Variants in PTPRO observed in about 807,000 individuals in gnomAD.
PTPRO encodes the protein receptor-type tyrosine-protein phosphatase O.
In PTPRO, 62 loss-of-function variants were observed where a neutral mutation model predicts 145.2. The ratio of observed to expected loss-of-function variants is 0.43; its 90% CI spans 0.35 to 0.53. The LOEUF is 0.53. Among genes scored for constraint, PTPRO ranks in the 20% least tolerant of loss-of-function variants. PTPRO has a pLI of 0.01. For missense variants in PTPRO, 1,345 were observed against 1,482.7 expected, an observed-to-expected ratio of 0.91 and a Z score of 1.53; for synonymous variants, 565 against 514.7, an observed-to-expected ratio of 1.10 and a Z score of -1.32.
At chr12:15,540,500 C>T (rs565050700) in intron 12 of PTPRO, among the ~76,000 whole-genome samples, 5 of 152,302 alleles carry the variant, frequency 3.3e-5, no homozygotes, top group East Asian at 3.9e-4. Flanking sequence ...TGACTCACCA[C>T]GCTGGTCCTT....
At chr12:15,478,264 G>A (rs776096732) in intron 1 of PTPRO, among the ~76,000 whole-genome samples, 1 of 152,192 alleles carries the variant, frequency 6.6e-6, no homozygotes, top group African/African-American at 2.4e-5. Context: ...TAAGGGAAAA[G>A]AGATCAAGCA....
intron 1 of PTPRO, among the ~76,000 whole-genome samples, chr12:15,398,088 T>C (rs1003361290): frequency 2.0e-5 from 3 of 152,126 alleles, no homozygotes; most frequent in Non-Finnish European, 2.9e-5. Context: ...CCATCTTTAA[T>C]GTGAAGATAA....
intron 23 of PTPRO, among the ~76,000 whole-genome samples, chr12:15,585,801 G>A (rs80043858): frequency 0.033 from 5,076 of 152,228 alleles, 131 homozygotes; most frequent in Non-Finnish European, 0.045. Flanking sequence ...ATTTCTGATG[G>A]CTGATAACAA....
intron 1 of PTPRO, among the ~76,000 whole-genome samples, chr12:15,345,606 C>T (rs754412152): frequency 5.3e-5 from 8 of 151,602 alleles, no homozygotes; most frequent in Non-Finnish European, 7.4e-5. Flanking sequence ...CGGGGCCTGT[C>T]GGGGGGTGGG....
chr12:15,557,596 T>C, intron 16 of PTPRO, 73 bp downstream of exon 16: 2 of 1,348,116 alleles, frequency 1.5e-6, no homozygotes, highest in East Asian at 2.3e-5. Flanking sequence ...GATTTTACTA[T>C]CCTTTGGGGA....
At chr12:15,537,889 A>G (rs1375136313) in intron 12 of PTPRO, among the ~76,000 whole-genome samples, 4 of 152,276 alleles carry the variant, frequency 2.6e-5, no homozygotes, top group South Asian at 2.1e-4. Context: ...AACAGACAGT[A>G]TGGGCATTAA....
chr12:15,325,639 G>A (rs866353049), intron 1 of PTPRO, among the ~76,000 whole-genome samples: 20 of 152,152 alleles, frequency 1.3e-4, no homozygotes, highest in African/African-American at 4.8e-4. Context: ...GTATTTATCT[G>A]GCGAGCCTCG....
chr12:15,385,895 T>TA (rs1251464484), intron 1 of PTPRO, among the ~76,000 whole-genome samples: 1 of 149,924 alleles, frequency 6.7e-6, no homozygotes, highest in Non-Finnish European at 1.5e-5. Flanking sequence ...AAAAAAGAGA[T>TA]ATAGAGATAA....
At chr12:15,509,678 C>T (rs970617516) in intron 7 of PTPRO, among the ~76,000 whole-genome samples, 4 of 134,706 alleles carry the variant, frequency 3.0e-5, no homozygotes, top group African/African-American at 1.1e-4. Flanking sequence ...CAGAGTGAGA[C>T]TCCGTCTCAA....
At position 15,496,204 on chromosome 12, in the gene PTPRO, G is replaced by A. The variant is rs540730068; in HGVS notation, c.350-1041G>A. Reference sequence around the variant, plus strand: ...GTTGCCCAGGCTGGGGTGCAATGGCGGGATCTCTGCTCTTGGCAACCTCTG... The same window carrying A: ...GTTGCCCAGGCTGGGGTGCAATGGCAGGATCTCTGCTCTTGGCAACCTCTG... On this transcript the variant is annotated intron_variant, in intron 2 of 26. Transcript: ENST00000281171. Among the ~76,000 whole-genome samples, 5 of 147,810 alleles carry A rather than the reference G, an allele frequency of 3.4e-5. No individual in the cohort carries two copies. The South Asian group carries it at 6.5e-4, about 19-fold the overall frequency.
At chr12:15,327,046 TCTGA>T (rs375174400) in intron 1 of PTPRO, among the ~76,000 whole-genome samples, 39 of 152,342 alleles carry the variant, frequency 2.6e-4, no homozygotes, top group Non-Finnish European at 2.4e-4. Context: ...ATATAAAAGC[TCTGA>T]CTGAGAATTA....
chr12:15,595,080 C>T (rs765898011), intron 26 of PTPRO, 23 bp downstream of exon 26: 14 of 1,491,690 alleles, frequency 9.4e-6, no homozygotes, highest in South Asian at 7.9e-5. Context: ...GAGCTCTCCA[C>T]GAGTGCTCAG....
At chr12:15,340,952 T>A (rs1358245617) in intron 1 of PTPRO, among the ~76,000 whole-genome samples, 3 of 152,226 alleles carry the variant, frequency 2.0e-5, no homozygotes, top group African/African-American at 4.8e-5. Flanking sequence ...TTTAATACTC[T>A]TATCTGACAA....
chr12:15,484,064 T>G lies in PTPRO; in HGVS notation c.166T>G (p.Tyr56Asp). ...ASDVISPASVYVVKITGESKN... is the reference protein window; with the variant it reads ...ASDVISPASVDVVKITGESKN... ...AGACGTCATCAGTCCAGCATCTGTGTATGTTGTGAAGATAACTGGTGAATC... is the reference window on the plus strand; with the variant it reads ...AGACGTCATCAGTCCAGCATCTGTGGATGTTGTGAAGATAACTGGTGAATC... Residue 56 changes from tyrosine (Y) to aspartate (D), a missense_variant, in exon 2 of 27, where the codon TAT (tyrosine) becomes GAT (aspartate). By Grantham distance (160) the Tyr-to-Asp change is radical. Around this residue, in one of 3 missense-constraint regions of PTPRO, gnomAD observed 1,130 missense variants for 1,214.7 expected, o/e 0.93. Transcript: ENST00000281171. The G allele has an allele frequency of 6.2e-7, 1 of 1,613,818 alleles. No individual in the cohort carries two copies.
rs567499000 is a variant in PTPRO, at chr12:15,431,304, T to A, written c.76-52670T>A. Among the ~76,000 whole-genome samples, 5 of 152,344 alleles carry A rather than the reference T, an allele frequency of 3.3e-5. No homozygotes were observed. In the South Asian group the frequency reaches 1.0e-3, roughly 32 times the overall value. On this transcript the variant is annotated intron_variant, in intron 1 of 26. Transcript: ENST00000281171. The stretch of plus-strand genomic sequence containing the variant: ...GAACAGTGAGGGTCATCCCTCTTCA[T>A]CTCAGGAGCAATTAACTAGTTATTT...
intron 1 of PTPRO, among the ~76,000 whole-genome samples, chr12:15,399,118 G>A (rs1297560882): frequency 6.6e-6 from 1 of 152,090 alleles, no homozygotes; most frequent in South Asian, 2.1e-4. Flanking sequence ...AATACATAGT[G>A]TTTCATTTAG....
At chr12:15,382,338 C>G (rs903952689) in intron 1 of PTPRO, among the ~76,000 whole-genome samples, 1 of 152,148 alleles carries the variant, frequency 6.6e-6, no homozygotes, top group Admixed American at 6.5e-5. Flanking sequence ...TAGTTCCCAT[C>G]TCCTTAAGTT....
chr12:15,460,149 T>C (rs1206128949), intron 1 of PTPRO, among the ~76,000 whole-genome samples: 1 of 152,226 alleles, frequency 6.6e-6, no homozygotes, highest in Non-Finnish European at 1.5e-5. Context: ...TTGTTAAGGC[T>C]AGGCTTACCC....
At position 15,414,150 on chromosome 12, in the gene PTPRO, G is replaced by A. The variant is rs957599748; in HGVS notation, c.76-69824G>A. Among the ~76,000 whole-genome samples, 5 of 152,314 alleles carry A rather than the reference G, an allele frequency of 3.3e-5. No homozygotes were observed. In the South Asian group the frequency reaches 1.0e-3, roughly 32 times the overall value. On this transcript the variant is annotated intron_variant, in intron 1 of 26. Transcript: ENST00000281171. ...CTTGTTAAAATACTGATACCCAGAA[G>A]TAATTTAACATGTCACGACATACGT...
Sources: gnomAD v4.1 joint callset for allele counts (sites outside exome capture counted in the v4.1 genomes callset) on GRCh38, gnomAD v4.1.1 for gene constraint, gnomAD v4.1.1 regional missense constraint, MANE v1.5 for transcripts, NCBI Gene and HGNC (gene_info 2026-07-23, HGNC 2026-07-21) for gene names.